LAMA4: variants seen among roughly 807,000 people sequenced by gnomAD.
LAMA4 encodes the protein laminin subunit alpha 4.
A neutral mutation model predicts 207.1 loss-of-function variants in LAMA4; 127 were observed. The ratio of observed to expected loss-of-function variants is 0.61; its 90% CI spans 0.53 to 0.71. LAMA4 has a LOEUF of 0.71. Ranked by LOEUF, LAMA4 falls within the 30% of genes least tolerant of loss-of-function variation. The pLI is 0.00. For synonymous variants in LAMA4, 761 were observed against 816.0 expected (o/e 0.93, Z 1.15); for missense variants, 2,093 against 2,246.5 (o/e 0.93, Z 1.38).
intron 5 of LAMA4, among the ~76,000 whole-genome samples, chr6:112,198,963 G>A (rs908511857): frequency 5.3e-5 from 8 of 152,172 alleles, no homozygotes; most frequent in Non-Finnish European, 1.0e-4. Flanking sequence ...GAACTTGCCC[G>A]GGTGGGTCAC....
Position 112,129,003 on chromosome 6 carries a change from A to G in LAMA4, c.4206T>C (p.Cys1402=). 1 of 1,612,638 alleles carries G rather than the reference A, an allele frequency of 6.2e-7. No homozygotes were observed. The highest frequency in any genetic ancestry group is 8.5e-7 in the Non-Finnish European group (1 of 1,178,736). ...TEKVHTSLYE[C]PIESSPLFLL... is the part of the protein sequence containing the mutation. The stretch of plus-strand genomic sequence containing the variant: ...GAAACAATGGTGAAGACTCAATGGG[A>G]CACTCATAAAGAGAAGTGTGGACCT... The change falls in exon 31 of 39, where the codon TGT becomes TGC. Residue 1402 remains cysteine (C), a synonymous_variant. Coordinates refer to ENST00000230538, the MANE Select transcript of LAMA4 (RefSeq NM_001105206.3).
At chr6:112,155,863 C>T in intron 14 of LAMA4, 157 bp from the exon 15 acceptor site, 1 of 783,764 alleles carries the variant, frequency 1.3e-6, no homozygotes, top group Middle Eastern at 2.5e-4. Context: ...AGGGTCACAC[C>T]TCCTCTGCAT....
intron 13 of LAMA4, among the ~76,000 whole-genome samples, chr6:112,163,419 G>A (rs910055568): frequency 6.6e-6 from 1 of 152,128 alleles, no homozygotes; most frequent in Non-Finnish European, 1.5e-5. Flanking sequence ...CCACTTAGAG[G>A]GTGTGCAGAG....
intron 3 of LAMA4, among the ~76,000 whole-genome samples, chr6:112,208,093 A>G (rs1258439513): frequency 1.3e-5 from 2 of 152,200 alleles, no homozygotes; most frequent in Non-Finnish European, 2.9e-5. Flanking sequence ...AGGCAAAGCC[A>G]TTAGCTCTAT....
chr6:112,172,882 G>A, intron 11 of LAMA4, 78 bp from the exon 12 acceptor site: 1 of 1,234,286 alleles, frequency 8.1e-7, no homozygotes, highest in Non-Finnish European at 1.2e-6. Flanking sequence ...TTGCAAAGTT[G>A]CAAAATTCTC....
Position 112,115,970 on chromosome 6 carries a change from T to C in LAMA4, c.5005A>G (p.Lys1669Glu), listed in dbSNP as rs782716382. The C allele has an allele frequency of 2.4e-5, 39 of 1,613,102 alleles. No individual in the cohort carries two copies. The highest frequency in any genetic ancestry group is 3.1e-5 in the Non-Finnish European group (37 of 1,179,414). Residue 1669 changes from lysine (K) to glutamate (E), a missense_variant, in exon 36 of 39, where the codon AAG becomes GAG. Physicochemically the swap from Lys to Glu is moderately conservative, Grantham distance 56. Transcript: ENST00000230538. ...VLDESFNIGL[K>E]FEIAFEVRPR... ...CGGACTTCAAATGCAATTTCAAACT[T>C]CAATCCAATATTGAAAGATTCATCT...
chr6:112,200,736 C>G lies in LAMA4; in HGVS notation c.503+872G>C, dbSNP rs1289441225. Among the ~76,000 whole-genome samples, 11 of 152,228 alleles carry G rather than the reference C, an allele frequency of 7.2e-5. No homozygotes were observed. The East Asian group carries it at 2.1e-3, about 29-fold the overall frequency. On this transcript the variant is annotated intron_variant, in intron 5 of 38. Coordinates refer to ENST00000230538, the MANE Select transcript of LAMA4 (RefSeq NM_001105206.3). ...GATGAGTTTATGTCCTTTGCAGGGA[C>G]ATGGATGAAGCTGGAAACCGTCATT...
chr6:112,119,195 C>A lies in LAMA4; in HGVS notation c.4782G>T (p.Leu1594Phe). Residue 1594 changes from leucine to phenylalanine, a missense_variant, in exon 34 of 39, where the codon TTG becomes TTT. Coordinates refer to ENST00000230538, the MANE Select transcript of LAMA4 (RefSeq NM_001105206.3). ...CAGCCTTTCCAGGAGCCACACCTCC[C>A]AAATAAATGGGACCCTTGATTTTCC... ...ATWKIKGPIY[L>F]GGVAPGKAVK... 2 of 1,614,024 alleles carry A rather than the reference C, an allele frequency of 1.2e-6. No individual in the cohort carries two copies. Among genetic ancestry groups the A allele is most frequent in the Non-Finnish European group, 1.7e-6 (2 of 1,179,948 alleles).
intron 5 of LAMA4, among the ~76,000 whole-genome samples, chr6:112,193,525 A>C (rs921084995): frequency 6.6e-6 from 1 of 152,086 alleles, no homozygotes; most frequent in South Asian, 2.1e-4. Flanking sequence ...CACTGTCAAC[A>C]TTTTGTGTAT....
Position 112,136,103 on chromosome 6 carries a change from C to CAAACTACAA in LAMA4, c.3414+11_3414+19dup. The CAAACTACAA allele has an allele frequency of 6.2e-7, 1 of 1,608,784 alleles. No individual in the cohort carries two copies. Among genetic ancestry groups the CAAACTACAA allele is most frequent in the Non-Finnish European group, 8.5e-7 (1 of 1,178,296 alleles). On this transcript the variant is annotated intron_variant, in intron 25 of 38. Transcript: ENST00000230538. The stretch of plus-strand genomic sequence containing the variant: ...TATAAAGAACAAAAACAAAACCAAC[C>CAAACTACAA]AAACTACAATGATTTGTACCTCATG...
At chr6:112,134,436 GAACA>G in intron 26 of LAMA4, 27 bp downstream of exon 26, 1 of 1,611,420 alleles carries the variant, frequency 6.2e-7, no homozygotes, top group Non-Finnish European at 8.5e-7. Flanking sequence ...ACATTGCTAG[GAACA>G]AACAGCTACT....
intron 3 of LAMA4, among the ~76,000 whole-genome samples, chr6:112,210,315 A>G (rs1035215687): frequency 6.6e-6 from 1 of 152,096 alleles, no homozygotes; most frequent in Non-Finnish European, 1.5e-5. Flanking sequence ...ACTTTATAGC[A>G]GTGTTAGAAT....
chr6:112,120,265 T>C lies in LAMA4; in HGVS notation c.4665+18A>G, dbSNP rs782722526. ...GGTAGCTATTTGCTGGTAATGCTGT[T>C]CTCTGCCTTCAACTTACATCATGCC... On this transcript the variant is annotated intron_variant, in intron 33 of 38. Transcript: ENST00000230538. 35 of 1,607,032 alleles carry C rather than the reference T, an allele frequency of 2.2e-5. No homozygotes were observed. In the Admixed American group the frequency reaches 5.8e-4, roughly 27 times the overall value.
At position 112,201,467 on chromosome 6, in the gene LAMA4, G is replaced by T. The variant is rs1392149132; in HGVS notation, c.503+141C>A. Reference sequence around the variant, plus strand: ...GGGATTTAGGAAAACTTCCCTAAGGGGTTTTGAAATGCAGTCCCTCAACCA... The same window carrying T: ...GGGATTTAGGAAAACTTCCCTAAGGTGTTTTGAAATGCAGTCCCTCAACCA... On this transcript the variant is annotated intron_variant, in intron 5 of 38. Coordinates refer to ENST00000230538, the MANE Select transcript of LAMA4 (RefSeq NM_001105206.3). 5.0e-6 allele frequency: 4 copies of T among 796,158 alleles called. No homozygotes were observed. The African/African-American group carries it at 6.8e-5, about 13-fold the overall frequency. The allele number at this position is 796,158 out of a possible 1,614,324, so 49.3% of individuals were successfully genotyped here.
chr6:112,215,652 T>C (rs1784582258), intron 3 of LAMA4, among the ~76,000 whole-genome samples: 1 of 152,214 alleles, frequency 6.6e-6, no homozygotes, highest in Non-Finnish European at 1.5e-5. Context: ...AAGCCACTTC[T>C]GGTAAATATT....
chr6:112,194,188 A>G (rs1177593900), intron 5 of LAMA4, among the ~76,000 whole-genome samples: 2 of 152,218 alleles, frequency 1.3e-5, no homozygotes, highest in African/African-American at 4.8e-5. Context: ...GCTGAAGTTC[A>G]CCAAACAGAG....
Position 112,140,833 on chromosome 6 carries a change from C to A in LAMA4, c.2903G>T (p.Gly968Val). ...GTCCAGGTCCAGCAGAGAGTCATCT[C>A]CCGAAAATTCCCCCTTTTTAATGAA... is the stretch of plus-strand genomic sequence containing the variant. ...EKFIKKGEFS[G>V]DDSLLDLDPE... Residue 968 changes from glycine (G) to valine (V), a missense_variant, in exon 22 of 39, where the codon GGA becomes GTA. Gly to Val is a moderately radical substitution (Grantham distance 109). Coordinates refer to ENST00000230538, the MANE Select transcript of LAMA4 (RefSeq NM_001105206.3). The A allele has an allele frequency of 4.3e-6, 7 of 1,614,028 alleles. No individual in the cohort carries two copies. The highest frequency in any genetic ancestry group is 5.9e-6 in the Non-Finnish European group (7 of 1,179,940).
chr6:112,180,189 A>G (rs1554344948), intron 9 of LAMA4, among the ~76,000 whole-genome samples: 1 of 152,156 alleles, frequency 6.6e-6, no homozygotes, highest in African/African-American at 2.4e-5. Flanking sequence ...CTATGTCATT[A>G]AACTTATTAT....
At chr6:112,242,671 T>G (rs1786601621) in intron 2 of LAMA4, among the ~76,000 whole-genome samples, 1 of 152,154 alleles carries the variant, frequency 6.6e-6, no homozygotes, top group African/African-American at 2.4e-5. Context: ...CTCTTCCCCA[T>G]AGCCAGCGAC....
Sources: gnomAD v4.1 joint callset for allele counts (sites outside exome capture counted in the v4.1 genomes callset) on GRCh38, gnomAD v4.1.1 for gene constraint, MANE v1.5 for transcripts, NCBI Gene and HGNC (gene_info 2026-07-23, HGNC 2026-07-21) for gene names.